Variants in TBC1D5 observed in about 807,000 individuals in gnomAD.
The protein encoded by TBC1D5 is TBC1 domain family, member 5.
A neutral mutation model predicts 100.3 loss-of-function variants in TBC1D5; 75 were observed. The ratio of observed to expected loss-of-function variants is 0.75; its 90% CI spans 0.62 to 0.91. The LOEUF (loss-of-function observed/expected upper bound fraction) is 0.91, where lower values mean the gene tolerates loss of function less well. Among genes scored for constraint, TBC1D5 ranks in the 40% least tolerant of loss-of-function variants. The pLI is 0.00. For missense variants in TBC1D5, 910 were observed against 942.4 expected (o/e 0.97, Z 0.45); for synonymous variants, 323 against 325.6 (o/e 0.99, Z 0.09).
chr3:17,314,126 G>A (rs145293092), intron 13 of TBC1D5, among the ~76,000 whole-genome samples: 6 of 152,224 alleles, frequency 3.9e-5, no homozygotes, highest in East Asian at 1.9e-4. Context: ...CCAGAGAAAC[G>A]CACTGATAAA....
chr3:17,558,441 A>G (rs2096536014), intron 2 of TBC1D5, among the ~76,000 whole-genome samples: 1 of 152,196 alleles, frequency 6.6e-6, no homozygotes, highest in South Asian at 2.1e-4. Context: ...TTTTAAAAGT[A>G]TCCAATAATA....
At chr3:17,541,438 T>A (rs1321445090) in intron 2 of TBC1D5, among the ~76,000 whole-genome samples, 1 of 152,032 alleles carries the variant, frequency 6.6e-6, no homozygotes, top group Non-Finnish European at 1.5e-5. Context: ...TCCTAAGTAT[T>A]TTTTTTGATG....
chr3:17,332,116 G>A (rs768305860), intron 13 of TBC1D5, among the ~76,000 whole-genome samples: 3 of 152,158 alleles, frequency 2.0e-5, no homozygotes, highest in Non-Finnish European at 2.9e-5. Context: ...AAGACCAGTC[G>A]GGGGCATCTG....
chr3:17,372,441 A>G (rs2092512983), intron 12 of TBC1D5, among the ~76,000 whole-genome samples, 194 bp from the exon 13 acceptor site: 1 of 152,210 alleles, frequency 6.6e-6, no homozygotes, highest in South Asian at 2.1e-4. Flanking sequence ...AATACTTTTT[A>G]GGAATATATT....
chr3:17,307,657 G>A (rs546106741), intron 14 of TBC1D5, among the ~76,000 whole-genome samples: 176 of 152,250 alleles, frequency 1.2e-3, no homozygotes, highest in African/African-American at 3.9e-3. Flanking sequence ...AGAAGGTGGA[G>A]CTCTAAACAT....
chr3:17,213,977 T>C (rs901621701), intron 18 of TBC1D5, among the ~76,000 whole-genome samples: 1 of 138,656 alleles, frequency 7.2e-6, no homozygotes, highest in Admixed American at 7.8e-5. Context: ...TGGGAAAGAT[T>C]CAACTTATTT....
At chr3:17,285,213 A>G (rs2081041635) in intron 15 of TBC1D5, among the ~76,000 whole-genome samples, 1 of 150,202 alleles carries the variant, frequency 6.7e-6, no homozygotes. Context: ...ATAGTGCATC[A>G]TCCTCAAAGA....
At chr3:17,299,116 A>G (rs1309398050) in intron 14 of TBC1D5, among the ~76,000 whole-genome samples, 1 of 152,222 alleles carries the variant, frequency 6.6e-6, no homozygotes, top group Non-Finnish European at 1.5e-5. Context: ...TTAGGGCTTT[A>G]AGTAAAACAA....
At chr3:17,665,163 C>T (rs2067122725) in intron 1 of TBC1D5, 1 of 150,552 alleles carries the variant, frequency 6.6e-6, no homozygotes, top group South Asian at 2.1e-4. Context: ...TCTTAAACTA[C>T]AGAAGGGCCT....
chr3:17,686,704 T>A (rs1425125191), intron 1 of TBC1D5, among the ~76,000 whole-genome samples: 1 of 152,096 alleles, frequency 6.6e-6, no homozygotes, highest in Non-Finnish European at 1.5e-5. Context: ...TTTAGAAAAT[T>A]CTAAAACACC....
chr3:17,305,191 T>C (rs1305947103), intron 14 of TBC1D5, among the ~76,000 whole-genome samples: 1 of 152,136 alleles, frequency 6.6e-6, no homozygotes, highest in African/African-American at 2.4e-5. Context: ...CTGGGCACTC[T>C]TGACCTTCTT....
At chr3:17,298,103 C>T (rs1007123915) in intron 14 of TBC1D5, among the ~76,000 whole-genome samples, 11 of 152,242 alleles carry the variant, frequency 7.2e-5, no homozygotes, top group African/African-American at 2.6e-4. Flanking sequence ...TGAAGGAAAA[C>T]CATAGGTTGG....
chr3:17,251,208 T>TA lies in TBC1D5; in HGVS notation c.1331+7297dup, dbSNP rs1437201210. 1.9e-3 allele frequency among the ~76,000 whole-genome samples: 283 copies of TA among 148,026 alleles called. 2 individuals carry two copies. Among genetic ancestry groups the TA allele is most frequent in the African/African-American group, 5.2e-3 (212 of 40,450 alleles). On this transcript the variant is annotated intron_variant, in intron 16 of 21. Transcript: ENST00000253692. ...TCATGGTCCACTCTTTTATCTGTGG[T>TA]AAAAAAAAAACCACTGTAGCTGTGG...
intron 9 of TBC1D5, among the ~76,000 whole-genome samples, chr3:17,382,775 T>C (rs932118922): frequency 2.0e-5 from 3 of 152,028 alleles, no homozygotes; most frequent in Non-Finnish European, 4.4e-5. Flanking sequence ...TTGCCCAGCC[T>C]GGTCTCAAAC....
Position 17,499,961 on chromosome 3 carries a change from C to T in TBC1D5, c.97+8513G>A, listed in dbSNP as rs761478809. ...CTAGAAAGGATGGTGGAGAATATATCTTAAGACATGGATATCCTTTTGCAG... is the reference window on the plus strand; with the variant it reads ...CTAGAAAGGATGGTGGAGAATATATTTTAAGACATGGATATCCTTTTGCAG... On this transcript the variant is annotated intron_variant, in intron 3 of 21. Transcript: ENST00000253692. Among the ~76,000 whole-genome samples the T allele has an allele frequency of 7.4e-5, 11 of 149,340 alleles. 1 individual carries two copies. The highest frequency in any genetic ancestry group is 1.3e-4 in the Non-Finnish European group (9 of 67,918).
At chr3:17,230,822 G>A (rs1362032442) in intron 17 of TBC1D5, among the ~76,000 whole-genome samples, 1 of 151,984 alleles carries the variant, frequency 6.6e-6, no homozygotes, top group Non-Finnish European at 1.5e-5. Context: ...GGACCGCTGT[G>A]GATACCAAAA....
At chr3:17,201,766 C>A (rs1252636775) in intron 18 of TBC1D5, among the ~76,000 whole-genome samples, 4 of 152,176 alleles carry the variant, frequency 2.6e-5, no homozygotes, top group African/African-American at 9.7e-5. Context: ...TCCTCTTCAC[C>A]TTCTGCCATG....
At chr3:17,520,867 G>A (rs766298136) in intron 2 of TBC1D5, among the ~76,000 whole-genome samples, 6 of 152,138 alleles carry the variant, frequency 3.9e-5, no homozygotes, top group Non-Finnish European at 5.9e-5. Flanking sequence ...AGGAGACACT[G>A]TAGGAGCTCC....
intron 2 of TBC1D5, among the ~76,000 whole-genome samples, chr3:17,623,080 A>G (rs905811759): frequency 6.6e-6 from 1 of 152,196 alleles, no homozygotes; most frequent in African/African-American, 2.4e-5. Context: ...AACCAACTCC[A>G]CTATGAGCAC....
Sources: gnomAD v4.1 joint callset for allele counts (sites outside exome capture counted in the v4.1 genomes callset) on GRCh38, gnomAD v4.1.1 for gene constraint, MANE v1.5 for transcripts, NCBI Gene and HGNC (gene_info 2026-07-23, HGNC 2026-07-21) for gene names.